The following NEBL variants were observed in gnomAD, a reference collection of about 807,000 sequenced individuals.
NEBL encodes the protein LIM and SH3 protein 2.
NEBL carries 122 observed loss-of-function variants against 140.2 expected under a neutral mutation model. That is an observed-to-expected ratio of 0.87 (90% confidence interval 0.75 to 1.01). The LOEUF (loss-of-function observed/expected upper bound fraction) is 1.01. Among genes scored for constraint, NEBL ranks in the 50% least tolerant of loss-of-function variants. The pLI, the probability that NEBL is intolerant of heterozygous loss-of-function variation, is 0.00. For missense variants in NEBL, 1,365 were observed against 1,231.3 expected (o/e 1.11, Z -1.62); for synonymous variants, 436 against 398.9 (o/e 1.09, Z -1.11).
chr10:20,819,035 T>C, intron 20 of NEBL: 1 of 1,023,318 alleles, frequency 9.8e-7, no homozygotes, highest in African/African-American at 1.7e-5. Context: ...ATATGATTCA[T>C]CCATATAATT....
upstream of NEBL, among the ~76,000 whole-genome samples, chr10:21,179,688 G>A (rs1589317686): frequency 1.3e-5 from 2 of 151,764 alleles, no homozygotes; most frequent in Middle Eastern, 6.9e-3. Context: ...CACTAAGAGG[G>A]AGGCAAGAAA....
At chr10:20,865,934 A>G (rs1258334984) in intron 7 of NEBL, among the ~76,000 whole-genome samples, 1 of 151,546 alleles carries the variant, frequency 6.6e-6, no homozygotes, top group Non-Finnish European at 1.5e-5. Context: ...GTAGATTACC[A>G]CTGTCACAGC....
intron 26 of NEBL, among the ~76,000 whole-genome samples, chr10:20,797,743 G>C (rs1266875028): frequency 1.3e-5 from 2 of 152,106 alleles, no homozygotes; most frequent in African/African-American, 2.4e-5. Context: ...GAACTTGACA[G>C]ACAGAACAGT....
intron 16 of NEBL, 195 bp downstream of exon 16, chr10:20,831,001 T>C: frequency 3.2e-6 from 2 of 620,726 alleles, no homozygotes; most frequent in Non-Finnish European, 5.8e-6. Flanking sequence ...CCATAATGTC[T>C]GTTGCATTGA....
In NEBL at chr10:21,216,434, T is replaced by C. The variant is rs185979797; in HGVS notation, n.348+31487A>G. On this transcript the variant is annotated intron_variant and non_coding_transcript_variant, in intron 3 of 8. Transcript: ENST00000675702. ...ACTTTGGGAGGCCCAGGCGGGAAGA[T>C]CACGAGGTCCGGAGTTCAAGACCAG... 8.9e-4 allele frequency among the ~76,000 whole-genome samples: 136 copies of C among 152,190 alleles called. 1 individual carries two copies. Among genetic ancestry groups the C allele is most frequent in the African/African-American group, 3.1e-3 (130 of 41,532 alleles).
chr10:20,847,286 A>G (rs1036316053), intron 11 of NEBL, among the ~76,000 whole-genome samples: 1 of 152,176 alleles, frequency 6.6e-6, no homozygotes, highest in African/African-American at 2.4e-5. Flanking sequence ...ACTCTCCTCA[A>G]GAAATGATGG....
chr10:21,145,778 T>G (rs540764478), intron 2 of NEBL, among the ~76,000 whole-genome samples: 2 of 152,338 alleles, frequency 1.3e-5, no homozygotes, highest in Admixed American at 6.5e-5. Flanking sequence ...AAGGCTAACC[T>G]GCACGCAAAC....
At chr10:20,985,800 T>C (rs560131115) in intron 3 of NEBL, among the ~76,000 whole-genome samples, 43 of 152,222 alleles carry the variant, frequency 2.8e-4, no homozygotes, top group African/African-American at 1.0e-3. Context: ...AAATTATGTT[T>C]TTAAAAAAAA....
intron 1 of NEBL, among the ~76,000 whole-genome samples, chr10:21,273,821 A>T (rs1224285482): frequency 6.6e-6 from 1 of 152,116 alleles, no homozygotes; most frequent in African/African-American, 2.4e-5. Context: ...ATACACAGAT[A>T]ATTTACCCTT....
chr10:20,800,430 C>T (rs1837003256), intron 26 of NEBL, among the ~76,000 whole-genome samples: 1 of 152,018 alleles, frequency 6.6e-6, no homozygotes, highest in Admixed American at 6.6e-5. Context: ...ATGCAATGAA[C>T]ATGGGAGTAC....
intron 11 of NEBL, among the ~76,000 whole-genome samples, chr10:20,848,344 C>T (rs1226509471): frequency 6.6e-6 from 1 of 152,172 alleles, no homozygotes; most frequent in Non-Finnish European, 1.5e-5. Context: ...TGAACTTTGA[C>T]CAAATTCACT....
At chr10:21,197,560 G>C (rs1384533868) in intron 3 of NEBL, among the ~76,000 whole-genome samples, 1 of 152,082 alleles carries the variant, frequency 6.6e-6, no homozygotes, top group African/African-American at 2.4e-5. Context: ...AGTGGGGAAG[G>C]GGAGAAACAA....
At chr10:20,912,878 A>ATTTTT (rs1554805266) in intron 4 of NEBL, among the ~76,000 whole-genome samples, 1 of 128,724 alleles carries the variant, frequency 7.8e-6, no homozygotes, top group Non-Finnish European at 1.6e-5. Context: ...TAGTATGCCA[A>ATTTTT]TTCTTTTTTT....
intron 2 of NEBL, among the ~76,000 whole-genome samples, chr10:21,123,618 T>G (rs1838680096): frequency 6.6e-6 from 1 of 152,042 alleles, no homozygotes; most frequent in Non-Finnish European, 1.5e-5. Context: ...CTGGCTCCCC[T>G]GTATCCAAAT....
At chr10:21,009,581 C>A (rs1838257700) in intron 3 of NEBL, among the ~76,000 whole-genome samples, 1 of 152,192 alleles carries the variant, frequency 6.6e-6, no homozygotes, top group Admixed American at 6.5e-5. Context: ...TCTCTTCCAA[C>A]ATTTTGTAAT....
intron 1 of NEBL, among the ~76,000 whole-genome samples, chr10:21,288,760 CAAAAAAA>C (rs59316290): frequency 2.1e-5 from 1 of 46,866 alleles, no homozygotes; most frequent in Non-Finnish European, 4.0e-5. Flanking sequence ...ACTCCATCGC[CAAAAAAA>C]AAAAAAAGAA....
intron 2 of NEBL, among the ~76,000 whole-genome samples, chr10:21,155,775 C>T (rs959113957): frequency 2.0e-5 from 3 of 152,148 alleles, no homozygotes; most frequent in Non-Finnish European, 2.9e-5. Context: ...AAGGGAGGTG[C>T]GTTGGAAAAG....
chr10:21,088,772 C>G (rs1836769286), intron 2 of NEBL, among the ~76,000 whole-genome samples: 1 of 152,208 alleles, frequency 6.6e-6, no homozygotes, highest in Non-Finnish European at 1.5e-5. Flanking sequence ...TCTGGACAAC[C>G]ACTACCAACT....
chr10:21,079,936 T>C (rs1379651869), intron 2 of NEBL, among the ~76,000 whole-genome samples: 1 of 152,196 alleles, frequency 6.6e-6, no homozygotes, highest in Non-Finnish European at 1.5e-5. Flanking sequence ...ATGACCAATA[T>C]AGAATCCTCA....
Sources: gnomAD v4.1 joint callset for allele counts (sites outside exome capture counted in the v4.1 genomes callset) on GRCh38, gnomAD v4.1.1 for gene constraint, MANE v1.5 for transcripts, NCBI Gene and HGNC (gene_info 2026-07-23, HGNC 2026-07-21) for gene names.